CCDC14: variants seen among roughly 807,000 people sequenced by gnomAD.
CCDC14 encodes the protein coiled-coil domain containing 14.
In CCDC14, 71 loss-of-function variants were observed where a neutral mutation model predicts 81.4. The observed-to-expected ratio is 0.87, with a 90% CI of 0.72 to 1.06. The LOEUF (loss-of-function observed/expected upper bound fraction) is 1.06. Ranked by LOEUF, CCDC14 falls within the 50% of genes least tolerant of loss-of-function variation. The pLI is 0.00. For missense variants in CCDC14, 1,046 were observed against 1,047.3 expected, an observed-to-expected ratio of 1.00 and a Z score of 0.02; for synonymous variants, 332 against 364.8, an observed-to-expected ratio of 0.91 and a Z score of 1.03.
chr3:123,943,955 A>G (rs1028768035), intron 9 of CCDC14, among the ~76,000 whole-genome samples: 1 of 152,156 alleles, frequency 6.6e-6, no homozygotes, highest in East Asian at 1.9e-4. Context: ...ACTGAGCCCA[A>G]AGAAGGAGGT....
chr3:123,960,083 G>T (rs1362856954), intron 1 of CCDC14, among the ~76,000 whole-genome samples: 1 of 152,182 alleles, frequency 6.6e-6, no homozygotes, highest in African/African-American at 2.4e-5. Flanking sequence ...CTGCAAAGCT[G>T]CTCTCCAAAA....
chr3:123,915,436 A>G lies in CCDC14; in HGVS notation c.2061T>C (p.Asn687=). ...CTTCCTCCATGCCCCTAGTGTTACT[A>G]TTTTGAGGGCCTCTGGAGGACAGAA... The part of the protein sequence containing the change: ...ENVLSSRGPQ[N]SNTRGMEEAS... Residue 687 remains asparagine (N), a synonymous_variant, in exon 13 of 13, where the codon AAT becomes AAC. Transcript: ENST00000409697. 1 of 1,614,000 alleles carries G rather than the reference A, an allele frequency of 6.2e-7. No homozygotes were observed.
rs74855094 is a variant in CCDC14, at chr3:123,933,740, C to A, written c.1359G>T (p.Leu453Phe). 6.4e-7 allele frequency: 1 copy of A among 1,565,708 alleles called. No individual in the cohort carries two copies. The highest frequency in any genetic ancestry group is 2.3e-5 in the East Asian group (1 of 43,192). ...NAQLRRQLRI[L>F]NQQLREQQKT... ...TCTGTTGTTCTCTGAGTTGCTGGTT[C>A]AAAATTCTCAACTGCCTAAAGAAAT... is the stretch of plus-strand genomic sequence containing the variant. Residue 453 changes from leucine to phenylalanine, a missense_variant, in exon 10 of 13, where the codon TTG (leucine) becomes TTT (phenylalanine). Coordinates refer to ENST00000409697, the MANE Select transcript of CCDC14 (RefSeq NM_001366335.1).
chr3:123,948,689 A>G lies in CCDC14; in HGVS notation c.684+2T>C. On this transcript the variant is annotated splice_donor_variant, in intron 7 of 12. Transcript: ENST00000409697. LOFTEE classifies it high-confidence loss of function. The stretch of plus-strand genomic sequence containing the variant: ...CTTATGTAGTATAAGAACTGTACGC[A>G]CAGAATGAACCTTTGGAGGGCAGGG... 1.3e-6 allele frequency: 2 copies of G among 1,594,948 alleles called. No individual in the cohort carries two copies. Among genetic ancestry groups the G allele is most frequent in the Non-Finnish European group, 1.7e-6 (2 of 1,173,328 alleles).
At chr3:123,902,910 T>A (rs1261212741) in intron 5 of CCDC14, among the ~76,000 whole-genome samples, 1 of 152,110 alleles carries the variant, frequency 6.6e-6, no homozygotes, top group African/African-American at 2.4e-5. Context: ...TATCAACCCA[T>A]CATCTAGGTT....
In CCDC14 at chr3:123,961,047, T is replaced by C. The variant is rs2037654222; in HGVS notation, c.30+97A>G. 4 of 1,090,916 alleles carry C rather than the reference T, an allele frequency of 3.7e-6. No individual in the cohort carries two copies. In the East Asian group the frequency reaches 1.0e-4, roughly 28 times the overall value. 67.6% of individuals were successfully genotyped at this position (1,090,916 alleles called of 1,614,324 possible). A position where few individuals can be genotyped will look rare whatever the true frequency, so the allele number is the denominator to read the frequency against. ...CACTTTAATGTCGCCGCATTGTCTTTGTCTTTTTTCGAGCAGAGTTTTACA... is the reference window on the plus strand; with the variant it reads ...CACTTTAATGTCGCCGCATTGTCTTCGTCTTTTTTCGAGCAGAGTTTTACA... On this transcript the variant is annotated intron_variant, in intron 1 of 12. Transcript: ENST00000409697.
chr3:123,910,588 T>C (rs2034424056), downstream of CCDC14, among the ~76,000 whole-genome samples: 1 of 151,962 alleles, frequency 6.6e-6, no homozygotes, highest in Admixed American at 6.6e-5. Flanking sequence ...AAAAAGTTTC[T>C]GTCCTAAATA....
downstream of CCDC14, among the ~76,000 whole-genome samples, chr3:123,911,818 T>A (rs967949795): frequency 5.9e-5 from 9 of 152,206 alleles, no homozygotes; most frequent in African/African-American, 2.2e-4. Flanking sequence ...CCTTTTTACC[T>A]AAGCAGGTTT....
At chr3:123,935,707 T>C (rs2036021786) in intron 9 of CCDC14, among the ~76,000 whole-genome samples, 1 of 152,250 alleles carries the variant, frequency 6.6e-6, no homozygotes, top group Admixed American at 6.5e-5. Context: ...TGATTTTCTT[T>C]AAAGGTTTCC....
intron 6 of CCDC14, 26 bp from the exon 7 acceptor site, chr3:123,948,811 A>T (rs1185245699): frequency 1.9e-6 from 3 of 1,578,546 alleles, no homozygotes; most frequent in African/African-American, 2.7e-5. Flanking sequence ...AGAAAAAATT[A>T]ATCACATATC....
intron 9 of CCDC14, among the ~76,000 whole-genome samples, chr3:123,942,814 T>C (rs1050503026): frequency 2.0e-5 from 3 of 152,074 alleles, no homozygotes; most frequent in Admixed American, 2.0e-4. Context: ...AAGATATTAT[T>C]GCTAATATGT....
intron 5 of CCDC14, among the ~76,000 whole-genome samples, chr3:123,951,388 T>C (rs1425996953): frequency 1.3e-5 from 2 of 152,178 alleles, no homozygotes; most frequent in Non-Finnish European, 2.9e-5. Flanking sequence ...TCAAAAGTAA[T>C]AAGAGTTACC....
At chr3:123,892,084 A>G in the CCDC14 span, among the ~76,000 whole-genome samples, 1 of 152,186 alleles carries the variant, frequency 6.6e-6, no homozygotes, top group Admixed American at 6.5e-5. Context: ...TGAGAAAAGC[A>G]CAGGAAAGAC....
In CCDC14 at chr3:123,942,691, G is replaced by A. The variant is rs532876860; in HGVS notation, c.1343+2158C>T. ...TGTAACACTCTCTCAGGGCACATTC[G>A]CATTGCAGTGCTGCAGAAGCACCTG... On this transcript the variant is annotated intron_variant, in intron 9 of 12. Coordinates refer to ENST00000409697, the MANE Select transcript of CCDC14 (RefSeq NM_001366335.1). 4.6e-5 allele frequency among the ~76,000 whole-genome samples: 7 copies of A among 152,090 alleles called. No individual in the cohort carries two copies. In the East Asian group the frequency reaches 5.8e-4, roughly 13 times the overall value.
chr3:123,959,641 T>C (rs753196151), intron 1 of CCDC14, among the ~76,000 whole-genome samples: 1 of 152,188 alleles, frequency 6.6e-6, no homozygotes, highest in Non-Finnish European at 1.5e-5. Context: ...GATGTGTCCA[T>C]GCTCTTCTTA....
intron 5 of CCDC14, among the ~76,000 whole-genome samples, chr3:123,902,555 G>A (rs1320283251): frequency 6.6e-6 from 1 of 152,154 alleles, no homozygotes; most frequent in Non-Finnish European, 1.5e-5. Context: ...ACATAGAAAT[G>A]CAACTTGCAA....
At position 123,914,648 on chromosome 3, in the gene CCDC14, A is replaced by C; in HGVS notation, c.*131T>G. On this transcript the variant is annotated 3_prime_UTR_variant, in exon 13 of 13. Transcript: ENST00000409697. The stretch of plus-strand genomic sequence containing the variant: ...CAGTGTCAATATATCTCAACAATAC[A>C]TTTATTACTTGTACAATATATTACT... The C allele has an allele frequency of 7.2e-7, 1 of 1,389,166 alleles. No homozygotes were observed. 86.1% of individuals were successfully genotyped at this position (1,389,166 alleles called of 1,614,324 possible).
At position 123,955,909 on chromosome 3, in the gene CCDC14, T is replaced by G; in HGVS notation, c.286A>C (p.Arg96=). The G allele has an allele frequency of 6.5e-7, 1 of 1,538,476 alleles. No individual in the cohort carries two copies. Among genetic ancestry groups the G allele is most frequent in the Non-Finnish European group, 8.8e-7 (1 of 1,138,532 alleles). ...TGTCTTTTCTTTTTTGATCCGTATC[T>G]TTTGCTTTCTAAAGGTCTAGAATTA... The part of the protein sequence containing the change: ...RSNSRPLESK[R]YGSKKKRHEK... The change falls in exon 5 of 13, where the codon AGA becomes CGA. Residue 96 remains arginine, a synonymous_variant. Transcript: ENST00000409697.
downstream of CCDC14, among the ~76,000 whole-genome samples, chr3:123,894,681 C>T (rs1306060543): frequency 6.6e-6 from 1 of 152,038 alleles, no homozygotes; most frequent in African/African-American, 2.4e-5. Context: ...AAATTTATTC[C>T]TAAGTATTTT....
Sources: allele counts gnomAD v4.1 joint callset (sites outside exome capture counted in the v4.1 genomes callset), GRCh38; gene constraint gnomAD v4.1.1; transcripts MANE v1.5; gene names NCBI Gene and HGNC (gene_info 2026-07-23, HGNC 2026-07-21).